NAALADL2: variants seen among roughly 807,000 people sequenced by gnomAD.
NAALADL2 encodes the protein N-acetylated alpha-linked acidic dipeptidase like 2.
NAALADL2 carries 76 observed loss-of-function variants against 87.2 expected under a neutral mutation model. The ratio of observed to expected loss-of-function variants is 0.87; its 90% CI spans 0.72 to 1.05. The LOEUF is 1.05. NAALADL2 is among the 50% of genes least tolerant of loss of function. The probability of loss-of-function intolerance (pLI) is 0.00; values close to 1 mark genes in which losing one functional copy is unlikely to be tolerated. For synonymous variants in NAALADL2, 354 were observed against 331.0 expected (o/e 1.07, Z -0.75); for missense variants, 1,089 against 945.8 (o/e 1.15, Z -1.99).
At chr3:174,819,555 C>G (rs1721203213) in intron 3 of NAALADL2, among the ~76,000 whole-genome samples, 2 of 152,204 alleles carry the variant, frequency 1.3e-5, no homozygotes, top group South Asian at 4.2e-4. Context: ...CAATCACATC[C>G]TTACCAGATG....
intron 2 of NAALADL2, among the ~76,000 whole-genome samples, chr3:174,668,516 A>G (rs1429961050): frequency 2.6e-5 from 4 of 152,064 alleles, no homozygotes; most frequent in African/African-American, 9.7e-5. Flanking sequence ...GGTGTGCTGC[A>G]CCCAGTAACT....
At chr3:174,474,396 A>G (rs140863402) in intron 1 of NAALADL2, among the ~76,000 whole-genome samples, 2,215 of 152,288 alleles carry the variant, frequency 0.015, 47 homozygotes, top group African/African-American at 0.051. Context: ...CTCATGTCAT[A>G]ATAGAGATGA....
chr3:174,890,780 T>A (rs890643359), intron 1 of NAALADL2, among the ~76,000 whole-genome samples: 1 of 152,174 alleles, frequency 6.6e-6, no homozygotes, highest in Non-Finnish European at 1.5e-5. Context: ...AAACTCCTGC[T>A]TTTCTTGATT....
chr3:175,198,133 T>G (rs1739293357), intron 2 of NAALADL2, among the ~76,000 whole-genome samples: 1 of 152,090 alleles, frequency 6.6e-6, no homozygotes, highest in Non-Finnish European at 1.5e-5. Flanking sequence ...CAAACCATTT[T>G]CAGAACATAT....
chr3:175,373,418 A>G (rs1766739868), intron 5 of NAALADL2, among the ~76,000 whole-genome samples: 2 of 151,752 alleles, frequency 1.3e-5, no homozygotes, highest in Non-Finnish European at 2.9e-5. Flanking sequence ...CATATGTAGT[A>G]ATATGTCCTG....
At chr3:174,577,255 T>A (rs2108550214) in intron 2 of NAALADL2, among the ~76,000 whole-genome samples, 1 of 152,266 alleles carries the variant, frequency 6.6e-6, no homozygotes, top group South Asian at 2.1e-4. Context: ...ACCAAATATC[T>A]GATTAAATAA....
intron 2 of NAALADL2, among the ~76,000 whole-genome samples, chr3:174,629,266 G>T (rs77263300): frequency 0.021 from 3,219 of 152,264 alleles, 117 homozygotes; most frequent in African/African-American, 0.073. Flanking sequence ...GTCTGTAGTT[G>T]ATTAATTCGA....
In NAALADL2 at chr3:175,803,727, GT is replaced by G. The variant is rs1754455487; in HGVS notation, c.*527del. Reference sequence around the variant, plus strand: ...GAATGTTTCTATTTTATGAAATGAAGTTTCTCTTCTTAACACAACTAGATGT... The same window carrying G: ...GAATGTTTCTATTTTATGAAATGAAGTTCTCTTCTTAACACAACTAGATGT... On this transcript the variant is annotated 3_prime_UTR_variant, in exon 14 of 14. Coordinates refer to ENST00000454872, the MANE Select transcript of NAALADL2 (RefSeq NM_207015.3). 6.6e-6 allele frequency: 1 copy of G among 152,286 alleles called. No homozygotes were observed. The allele number at this position is 152,286 out of a possible 1,614,324, so 9.4% of individuals were successfully genotyped here. A position where few individuals can be genotyped will look rare whatever the true frequency, so the allele number is the denominator to read the frequency against.
chr3:175,061,271 G>C (rs1713422651), intron 1 of NAALADL2, among the ~76,000 whole-genome samples: 1 of 152,052 alleles, frequency 6.6e-6, no homozygotes, highest in Admixed American at 6.5e-5. Flanking sequence ...AAAAGCTAAT[G>C]GTCTTTCATA....
At chr3:175,202,792 G>C (rs1580906987) in intron 2 of NAALADL2, among the ~76,000 whole-genome samples, 3 of 152,168 alleles carry the variant, frequency 2.0e-5, no homozygotes, top group African/African-American at 7.2e-5. Flanking sequence ...GGGTCTTGCT[G>C]TGGCTGCTCT....
chr3:175,016,312 A>G lies in NAALADL2; in HGVS notation c.44-80478A>G, dbSNP rs112291691. Among the ~76,000 whole-genome samples the G allele has an allele frequency of 7.0e-3, 1,049 of 149,842 alleles. 20 individuals are homozygous for G. The highest frequency in any genetic ancestry group is 0.024 in the African/African-American group (982 of 41,056). ...AGCAATTTTAGTAATAAAATGTAGT[A>G]TATCCATATATGAGAATATTACGTG... On this transcript the variant is annotated intron_variant, in intron 1 of 13. Coordinates refer to ENST00000454872, the MANE Select transcript of NAALADL2 (RefSeq NM_207015.3).
chr3:175,302,591 T>C (rs1413590676), intron 4 of NAALADL2, among the ~76,000 whole-genome samples: 1 of 152,150 alleles, frequency 6.6e-6, no homozygotes, highest in African/African-American at 2.4e-5. Context: ...GATTTTAAAA[T>C]ATATTAAATA....
intron 2 of NAALADL2, among the ~76,000 whole-genome samples, chr3:174,575,479 T>C (rs913849482): frequency 2.6e-5 from 4 of 152,178 alleles, no homozygotes; most frequent in African/African-American, 9.7e-5. Flanking sequence ...AATTCTTAGG[T>C]TATCAATGAT....
At chr3:174,875,604 T>G (rs1678362138) in intron 1 of NAALADL2, among the ~76,000 whole-genome samples, 1 of 152,168 alleles carries the variant, frequency 6.6e-6, no homozygotes, top group East Asian at 1.9e-4. Context: ...TCCTAATATA[T>G]TCCTGTTGAA....
At chr3:175,665,376 T>C (rs891060158) in intron 11 of NAALADL2, among the ~76,000 whole-genome samples, 3 of 152,182 alleles carry the variant, frequency 2.0e-5, no homozygotes, top group Non-Finnish European at 2.9e-5. Flanking sequence ...TATAAAAATT[T>C]CCAAACCAAA....
chr3:175,472,498 C>T (rs1725052158), intron 9 of NAALADL2, among the ~76,000 whole-genome samples: 1 of 152,116 alleles, frequency 6.6e-6, no homozygotes, highest in African/African-American at 2.4e-5. Flanking sequence ...ATGGTTTCCT[C>T]TTAGCCTCAA....
intron 2 of NAALADL2, among the ~76,000 whole-genome samples, chr3:174,713,651 GT>G (rs1730904090): frequency 6.6e-6 from 1 of 152,158 alleles, no homozygotes; most frequent in East Asian, 1.9e-4. Flanking sequence ...TGATGGGGTT[GT>G]TTTTTTCTTG....
chr3:175,788,099 T>TG (rs1317398183), intron 13 of NAALADL2, among the ~76,000 whole-genome samples: 1 of 149,426 alleles, frequency 6.7e-6, no homozygotes, highest in African/African-American at 2.5e-5. Context: ...TTTTTTTTTT[T>TG]TTTTTTTTTT....
chr3:174,499,112 A>G (rs1560016704), intron 1 of NAALADL2, among the ~76,000 whole-genome samples: 1 of 152,078 alleles, frequency 6.6e-6, no homozygotes, highest in Non-Finnish European at 1.5e-5. Context: ...TATATATAGG[A>G]AAATGTATAT....
Sources: gnomAD v4.1 joint callset for allele counts (sites outside exome capture counted in the v4.1 genomes callset) on GRCh38, gnomAD v4.1.1 for gene constraint, MANE v1.5 for transcripts, NCBI Gene and HGNC (gene_info 2026-07-23, HGNC 2026-07-21) for gene names.